BORCS5: variants seen among roughly 807,000 people sequenced by gnomAD.
BORCS5 encodes BLOC-1 related complex subunit 5, also known as BLOC-1-related complex subunit 5.
In BORCS5, 17 loss-of-function variants were observed where a neutral mutation model predicts 22.1. The observed-to-expected ratio is 0.77, with a 90% CI of 0.53 to 1.15. The LOEUF is 1.15. Ranked by LOEUF, BORCS5 falls within the 50% of genes most tolerant of loss-of-function variation. The probability of loss-of-function intolerance (pLI) is 0.00; values close to 1 mark genes in which losing one functional copy is unlikely to be tolerated. For synonymous variants in BORCS5, 117 were observed against 99.8 expected (o/e 1.17, Z -1.03); for missense variants, 247 against 253.2 (o/e 0.98, Z 0.17).
intron 2 of BORCS5, among the ~76,000 whole-genome samples, chr12:12,384,648 T>C (rs940935826): frequency 3.3e-5 from 5 of 151,178 alleles, no homozygotes; most frequent in Non-Finnish European, 5.9e-5. Flanking sequence ...ACCTGTGAAA[T>C]CTTTTTCCTG....
intron 3 of BORCS5, among the ~76,000 whole-genome samples, chr12:12,439,232 T>G (rs1435414320): frequency 6.6e-6 from 1 of 152,068 alleles, no homozygotes; most frequent in African/African-American, 2.4e-5. Context: ...GGTGATAGGG[T>G]TAGGGCGGTG....
At position 12,448,401 on chromosome 12, in the gene BORCS5, A is replaced by C. The variant is rs748712819; in HGVS notation, c.360+12616A>C. ...CGGCTAATTTTTGTATTTTTAGTAG[A>C]GATGAGTTTTAACAATGTTGGCCAG... is the stretch of plus-strand genomic sequence containing the variant. On this transcript the variant is annotated intron_variant, in intron 3 of 3. Transcript: ENST00000314565. 5.8e-4 allele frequency among the ~76,000 whole-genome samples: 88 copies of C among 152,076 alleles called. 1 individual carries two copies. The Middle Eastern group carries it at 0.01, about 18-fold the overall frequency.
At chr12:12,389,146 T>C (rs1008637971) in intron 2 of BORCS5, among the ~76,000 whole-genome samples, 1 of 148,682 alleles carries the variant, frequency 6.7e-6, no homozygotes, top group Non-Finnish European at 1.5e-5. Flanking sequence ...TTTTTTTTTT[T>C]TTTTTTTTGA....
chr12:12,393,813 G>A (rs1263390420), intron 2 of BORCS5, among the ~76,000 whole-genome samples: 4 of 151,498 alleles, frequency 2.6e-5, no homozygotes, highest in Admixed American at 6.6e-5. Context: ...GAGCCATCGC[G>A]CCCGGCCTTT....
chr12:12,359,380 T>C (rs1031529396), intron 1 of BORCS5, among the ~76,000 whole-genome samples: 7 of 151,120 alleles, frequency 4.6e-5, no homozygotes, highest in Non-Finnish European at 8.9e-5. Context: ...TTTTTTTTTT[T>C]TTTGAGACAG....
intron 2 of BORCS5, among the ~76,000 whole-genome samples, chr12:12,382,444 G>A (rs1323927590): frequency 6.6e-6 from 1 of 151,058 alleles, no homozygotes; most frequent in Admixed American, 6.6e-5. Flanking sequence ...CCAACATTAG[G>A]GGCCACATTT....
chr12:12,366,313 G>C (rs1377556895), intron 2 of BORCS5, among the ~76,000 whole-genome samples: 1 of 152,238 alleles, frequency 6.6e-6, no homozygotes, highest in Admixed American at 6.5e-5. Flanking sequence ...TGGGTGATCT[G>C]CAGAGGCAGT....
intron 3 of BORCS5, among the ~76,000 whole-genome samples, chr12:12,451,947 G>GA (rs1942919155): frequency 6.8e-6 from 1 of 146,920 alleles, no homozygotes; most frequent in African/African-American, 2.5e-5. Flanking sequence ...AAAAAAAAAG[G>GA]AAAGCAGCAT....
At chr12:12,438,382 G>GAAAAAAAAAAAAAAAAAAAAAAAAAAAAA (rs1565915767) in intron 3 of BORCS5, among the ~76,000 whole-genome samples, 2 of 106,980 alleles carry the variant, frequency 1.9e-5, no homozygotes, top group African/African-American at 1.1e-4. Context: ...AAAAAAAAAC[G>GAAAAAAAAAAAAAAAAAAAAAAAAAAAAA]AAAAACAACA....
At chr12:12,400,589 G>GA (rs34678519) in intron 2 of BORCS5, among the ~76,000 whole-genome samples, 64,350 of 138,592 alleles carry the variant, frequency 0.46, 14,660 homozygotes, top group African/African-American at 0.49. Context: ...TCAGCATACA[G>GA]AAAAAAAAAA....
At chr12:12,454,273 C>G (rs1942962407) in intron 3 of BORCS5, among the ~76,000 whole-genome samples, 2 of 152,214 alleles carry the variant, frequency 1.3e-5, no homozygotes, top group Non-Finnish European at 2.9e-5. Context: ...TTCAAAATGA[C>G]TGTCCCATTT....
intron 2 of BORCS5, among the ~76,000 whole-genome samples, chr12:12,361,740 C>T (rs1863291362): frequency 6.6e-6 from 1 of 152,112 alleles, no homozygotes; most frequent in Admixed American, 6.5e-5. Context: ...GTTATATTCC[C>T]ATGGAAAGAT....
intron 2 of BORCS5, among the ~76,000 whole-genome samples, chr12:12,364,419 A>G (rs1396996858): frequency 6.6e-6 from 1 of 152,284 alleles, no homozygotes; most frequent in East Asian, 1.9e-4. Flanking sequence ...CTATTCATTA[A>G]GTGGAAGTAG....
chr12:12,464,186 G>A (rs1943158816), intron 3 of BORCS5, among the ~76,000 whole-genome samples: 2 of 148,032 alleles, frequency 1.4e-5, no homozygotes, highest in Non-Finnish European at 3.0e-5. Flanking sequence ...ATTATTTGGA[G>A]TTTCTCACTC....
intron 2 of BORCS5, among the ~76,000 whole-genome samples, chr12:12,374,303 A>C (rs1298702637): frequency 6.6e-6 from 1 of 151,606 alleles, no homozygotes; most frequent in African/African-American, 2.4e-5. Context: ...GGGTATTCTT[A>C]GTTTAAAAGT....
rs1035252497 is a variant in BORCS5 at position 12,465,859 on chromosome 12, C to G, written c.*83C>G. The G allele has an allele frequency of 1.7e-5, 21 of 1,249,334 alleles. No homozygotes were observed. Among genetic ancestry groups the G allele is most frequent in the Admixed American group, 1.3e-4 (6 of 45,582 alleles). The allele number at this position is 1,249,334 out of a possible 1,614,324, so 77.4% of individuals were successfully genotyped here. A position where few individuals can be genotyped will look rare whatever the true frequency, so the allele number is the denominator to read the frequency against. ...TGGAGCTAAGGTCATATCATCTGAC[C>G]AGGTCTGGAGGCTGGCGGGAGGCTC... On this transcript the variant is annotated 3_prime_UTR_variant, in exon 4 of 4. Transcript: ENST00000314565.
intron 2 of BORCS5, among the ~76,000 whole-genome samples, chr12:12,380,923 T>A (rs576454654): frequency 6.6e-6 from 1 of 151,424 alleles, no homozygotes; most frequent in Non-Finnish European, 1.5e-5. Flanking sequence ...TTATAACAAG[T>A]TCTTTATTCT....
intron 2 of BORCS5, among the ~76,000 whole-genome samples, chr12:12,389,135 C>CTTTTT (rs10630444): frequency 1.7e-5 from 2 of 117,876 alleles, no homozygotes; most frequent in Non-Finnish European, 3.4e-5. Flanking sequence ...CAAGTAAGTA[C>CTTTTT]TTTTTTTTTT....
Position 12,444,947 on chromosome 12 carries a change from A to G in BORCS5, c.360+9162A>G, listed in dbSNP as rs189017442. Among the ~76,000 whole-genome samples the G allele has an allele frequency of 2.2e-3, 333 of 152,114 alleles. 3 individuals carry two copies. The highest frequency in any genetic ancestry group is 7.0e-3 in the African/African-American group (289 of 41,444). On this transcript the variant is annotated intron_variant, in intron 3 of 3. Transcript: ENST00000314565. Reference sequence around the variant, plus strand: ...GCTAATGAGCTTAAAAACAACAACAACAAAAAAAACTCATAATATTTTAAG... The same window carrying G: ...GCTAATGAGCTTAAAAACAACAACAGCAAAAAAAACTCATAATATTTTAAG...
Sources: allele counts gnomAD v4.1 joint callset (sites outside exome capture counted in the v4.1 genomes callset), GRCh38; gene constraint gnomAD v4.1.1; transcripts MANE v1.5; gene names NCBI Gene and HGNC (gene_info 2026-07-23, HGNC 2026-07-21).